KIAA1217: variants seen among roughly 807,000 people sequenced by gnomAD.
The protein encoded by KIAA1217 is sickle tail protein homolog.
In KIAA1217, 88 loss-of-function variants were observed where a neutral mutation model predicts 163.9. The observed-to-expected ratio is 0.54, with a 90% CI of 0.45 to 0.64. KIAA1217 has a LOEUF of 0.64. KIAA1217 is among the 30% of genes least tolerant of loss of function. The pLI is 0.00. For missense variants in KIAA1217, 2,372 were observed against 2,475.0 expected, an observed-to-expected ratio of 0.96 and a Z score of 0.88; for synonymous variants, 903 against 923.1, an observed-to-expected ratio of 0.98 and a Z score of 0.39.
At chr10:23,839,885 G>A (rs576677360) in intron 1 of KIAA1217, among the ~76,000 whole-genome samples, 71 of 152,196 alleles carry the variant, frequency 4.7e-4, no homozygotes, top group African/African-American at 1.5e-3. Flanking sequence ...TATTGAAAAC[G>A]TATGTGTCCA....
At chr10:23,858,299 G>A (rs574455638) in intron 1 of KIAA1217, among the ~76,000 whole-genome samples, 1 of 152,220 alleles carries the variant, frequency 6.6e-6, no homozygotes, top group African/African-American at 2.4e-5. Flanking sequence ...GCATAGTCGT[G>A]AGGAACCCAG....
chr10:24,169,739 CTT>C (rs1442755711), intron 2 of KIAA1217, among the ~76,000 whole-genome samples: 5 of 152,102 alleles, frequency 3.3e-5, no homozygotes, highest in Non-Finnish European at 7.3e-5. Context: ...GAAAAGGGTG[CTT>C]CTCTTAGACA....
chr10:24,031,119 G>T (rs1487882912), intron 2 of KIAA1217, among the ~76,000 whole-genome samples: 1 of 152,072 alleles, frequency 6.6e-6, no homozygotes, highest in Non-Finnish European at 1.5e-5. Context: ...TTTCCACAGC[G>T]ACTATCCTGT....
chr10:24,490,966 A>G (rs1024421550), intron 6 of KIAA1217, among the ~76,000 whole-genome samples: 1 of 152,198 alleles, frequency 6.6e-6, no homozygotes, highest in Non-Finnish European at 1.5e-5. Flanking sequence ...CTTTTGTTCT[A>G]AAAGCACCCA....
At chr10:23,851,527 C>G (rs1276446393) in intron 1 of KIAA1217, among the ~76,000 whole-genome samples, 2 of 152,176 alleles carry the variant, frequency 1.3e-5, no homozygotes, top group Non-Finnish European at 2.9e-5. Flanking sequence ...GGCATATACC[C>G]AGTAAAGAGA....
At chr10:23,902,874 G>T (rs1422743123) in intron 1 of KIAA1217, among the ~76,000 whole-genome samples, 1 of 152,098 alleles carries the variant, frequency 6.6e-6, no homozygotes, top group Non-Finnish European at 1.5e-5. Flanking sequence ...TTATTGGAAG[G>T]TGAATGTTAG....
At chr10:23,696,845 A>G (rs1836078081) in intron 1 of KIAA1217, among the ~76,000 whole-genome samples, 1 of 152,250 alleles carries the variant, frequency 6.6e-6, no homozygotes, top group Non-Finnish European at 1.5e-5. Flanking sequence ...GCACCTGCAC[A>G]TAGTAGGTCA....
At chr10:24,118,127 T>C (rs898582785) in intron 2 of KIAA1217, among the ~76,000 whole-genome samples, 1 of 148,582 alleles carries the variant, frequency 6.7e-6, no homozygotes, top group Admixed American at 6.8e-5. Context: ...CCTGCACATG[T>C]ACCCCTGAGC....
intron 2 of KIAA1217, among the ~76,000 whole-genome samples, chr10:24,281,916 G>A (rs1050104884): frequency 3.3e-5 from 5 of 152,110 alleles, no homozygotes; most frequent in Non-Finnish European, 5.9e-5. Context: ...AATTAGCCAG[G>A]TGTGGTGGCG....
intron 2 of KIAA1217, among the ~76,000 whole-genome samples, chr10:24,276,500 C>T (rs551690828): frequency 2.0e-5 from 3 of 152,130 alleles, no homozygotes; most frequent in Non-Finnish European, 4.4e-5. Context: ...GGCTGGAGTG[C>T]AGTGGCACAA....
intron 2 of KIAA1217, among the ~76,000 whole-genome samples, chr10:24,047,144 G>A (rs978516266): frequency 6.6e-6 from 1 of 152,100 alleles, no homozygotes; most frequent in East Asian, 1.9e-4. Context: ...TAAATTAAAG[G>A]ATACATTGTC....
intron 1 of KIAA1217, among the ~76,000 whole-genome samples, chr10:24,218,710 C>G (rs916382888): frequency 6.6e-6 from 1 of 152,026 alleles, no homozygotes; most frequent in Non-Finnish European, 1.5e-5. Flanking sequence ...AGGATGGTCT[C>G]GATCTCCTGA....
intron 1 of KIAA1217, among the ~76,000 whole-genome samples, chr10:23,797,947 C>A (rs1836286116): frequency 6.6e-6 from 1 of 152,178 alleles, no homozygotes; most frequent in Non-Finnish European, 1.5e-5. Flanking sequence ...CTTGGAGGAA[C>A]AATAGATTGT....
chr10:24,376,410 T>G (rs2052499425), intron 2 of KIAA1217, among the ~76,000 whole-genome samples: 1 of 152,190 alleles, frequency 6.6e-6, no homozygotes, highest in South Asian at 2.1e-4. Flanking sequence ...CGAGGTTATA[T>G]GTGGACCAGT....
chr10:24,208,954 G>A (rs1014283932), upstream of KIAA1217: 1 of 447,990 alleles, frequency 2.2e-6, no homozygotes, highest in African/African-American at 2.0e-5. Context: ...CGGACGGACG[G>A]ACGGACAGAC....
chr10:23,824,585 G>A (rs1410679926), intron 1 of KIAA1217, among the ~76,000 whole-genome samples: 12 of 132,304 alleles, frequency 9.1e-5, no homozygotes, highest in Non-Finnish European at 1.4e-4. Flanking sequence ...CTGAGATGGC[G>A]CCATTGCACT....
At chr10:24,497,043 G>A (rs1473483770) in intron 8 of KIAA1217, among the ~76,000 whole-genome samples, 4 of 152,192 alleles carry the variant, frequency 2.6e-5, no homozygotes, top group African/African-American at 7.2e-5. Flanking sequence ...TCACTCTAAC[G>A]TATCAGGGCG....
rs80183795 is a variant in KIAA1217, at chr10:24,478,470, G to A, written c.1679+4410G>A. On this transcript the variant is annotated intron_variant, in intron 6 of 20. Transcript: ENST00000376454. ...GTCTATGGTATAACATTCTTGTGAT[G>A]GTAGGGGTCTCCTACCAGGGACTTT... Among the ~76,000 whole-genome samples the A allele has an allele frequency of 4.7e-3, 712 of 152,236 alleles. 6 individuals carry two copies. Among genetic ancestry groups the A allele is most frequent in the African/African-American group, 0.016 (677 of 41,544 alleles).
chr10:23,799,261 G>A (rs571587493), intron 1 of KIAA1217, among the ~76,000 whole-genome samples: 1 of 152,184 alleles, frequency 6.6e-6, no homozygotes, highest in African/African-American at 2.4e-5. Flanking sequence ...AGGTCCTGGG[G>A]GTTAGGATTT....
Sources: allele counts gnomAD v4.1 joint callset (sites outside exome capture counted in the v4.1 genomes callset), GRCh38; gene constraint gnomAD v4.1.1; transcripts MANE v1.5; gene names NCBI Gene and HGNC (gene_info 2026-07-23, HGNC 2026-07-21).